TBC1D22A: variants seen among roughly 807,000 people sequenced by gnomAD.
TBC1D22A encodes the protein TBC1 domain family member 22A, also known as putative GTPase activator.
A neutral mutation model predicts 60.2 loss-of-function variants in TBC1D22A; 38 were observed. The observed-to-expected ratio is 0.63, with a 90% CI of 0.49 to 0.83. The LOEUF (loss-of-function observed/expected upper bound fraction) is 0.83, where lower values mean the gene tolerates loss of function less well. Ranked by LOEUF, TBC1D22A falls within the 40% of genes least tolerant of loss-of-function variation. The pLI, the probability that TBC1D22A is intolerant of heterozygous loss-of-function variation, is 0.00. For synonymous variants in TBC1D22A, 302 were observed against 281.7 expected, an observed-to-expected ratio of 1.07 and a Z score of -0.72; for missense variants, 628 against 701.0, an observed-to-expected ratio of 0.90 and a Z score of 1.18.
intron 11 of TBC1D22A, among the ~76,000 whole-genome samples, chr22:47,077,877 G>A (rs1465760882): frequency 6.6e-6 from 1 of 152,186 alleles, no homozygotes; most frequent in Non-Finnish European, 1.5e-5. Context: ...GATTTGAAAA[G>A]GTTAAAAGGA....
intron 5 of TBC1D22A, among the ~76,000 whole-genome samples, chr22:46,887,845 G>C (rs920251060): frequency 6.6e-6 from 1 of 152,168 alleles, no homozygotes; most frequent in Non-Finnish European, 1.5e-5. Context: ...AGAAGTTTCA[G>C]TGGTGTGATC....
At chr22:47,137,717 C>G (rs2066925476) in intron 12 of TBC1D22A, among the ~76,000 whole-genome samples, 1 of 152,202 alleles carries the variant, frequency 6.6e-6, no homozygotes. Context: ...CTGCTTACCA[C>G]TGGGGAAGAA....
intron 11 of TBC1D22A, among the ~76,000 whole-genome samples, chr22:47,056,126 C>T (rs1313986337): frequency 1.3e-5 from 2 of 152,036 alleles, no homozygotes; most frequent in African/African-American, 2.4e-5. Flanking sequence ...GGTCGGGTAA[C>T]GGTGGCCCAA....
rs570843017 is a variant in TBC1D22A at position 46,866,474 on chromosome 22, A to G, written c.638-12179A>G. 2.0e-5 allele frequency among the ~76,000 whole-genome samples: 3 copies of G among 152,358 alleles called. No individual in the cohort carries two copies. The East Asian group carries it at 5.8e-4, about 29-fold the overall frequency. ...CAGCATCACACTGAACATCCACTTAATGATACACCTGTCAAGCGGCAAGCA... is the reference window on the plus strand; with the variant it reads ...CAGCATCACACTGAACATCCACTTAGTGATACACCTGTCAAGCGGCAAGCA... On this transcript the variant is annotated intron_variant, in intron 4 of 12. Transcript: ENST00000337137.
chr22:46,833,407 C>T (rs1191681092), intron 4 of TBC1D22A, among the ~76,000 whole-genome samples: 2 of 152,214 alleles, frequency 1.3e-5, no homozygotes, highest in South Asian at 2.1e-4. Flanking sequence ...CTTTCAAGAT[C>T]GGCAGTTAGA....
At chr22:47,073,893 C>G (rs1050188633) in intron 11 of TBC1D22A, among the ~76,000 whole-genome samples, 4 of 152,128 alleles carry the variant, frequency 2.6e-5, no homozygotes, top group African/African-American at 9.7e-5. Context: ...TTTGGAAGGT[C>G]GAGGAGGGCA....
intron 12 of TBC1D22A, among the ~76,000 whole-genome samples, chr22:47,157,035 G>A (rs1259052487): frequency 6.6e-6 from 1 of 152,212 alleles, no homozygotes; most frequent in East Asian, 1.9e-4. Context: ...CCTATGGAGG[G>A]GCAGTGGCCA....
intron 11 of TBC1D22A, among the ~76,000 whole-genome samples, chr22:47,069,863 C>T (rs113002714): frequency 1.3e-3 from 153 of 117,612 alleles, no homozygotes; most frequent in Middle Eastern, 5.1e-3. Context: ...CGGTTCCAGG[C>T]TGTTCCCTGT....
At chr22:46,855,690 G>A (rs1029895193) in intron 4 of TBC1D22A, among the ~76,000 whole-genome samples, 4 of 152,146 alleles carry the variant, frequency 2.6e-5, no homozygotes, top group African/African-American at 7.2e-5. Flanking sequence ...CCAGGCTCCC[G>A]CAAGATAAAG....
chr22:46,791,256 A>G (rs2084393565), intron 1 of TBC1D22A, among the ~76,000 whole-genome samples: 1 of 152,176 alleles, frequency 6.6e-6, no homozygotes, highest in African/African-American at 2.4e-5. Flanking sequence ...TCCTGAGCTC[A>G]AGCGATCCGC....
At chr22:46,872,020 A>T (rs1374109184) in intron 4 of TBC1D22A, among the ~76,000 whole-genome samples, 1 of 152,190 alleles carries the variant, frequency 6.6e-6, no homozygotes, top group African/African-American at 2.4e-5. Flanking sequence ...GTAATAAGGG[A>T]ATGTTATTTA....
intron 10 of TBC1D22A, among the ~76,000 whole-genome samples, chr22:47,019,147 C>T (rs773224414): frequency 1.6e-4 from 25 of 152,346 alleles, no homozygotes; most frequent in Non-Finnish European, 3.1e-4. Context: ...GAGCACGGAG[C>T]CTGCGTTTGT....
At chr22:46,934,694 C>T (rs1042490506) in intron 8 of TBC1D22A, among the ~76,000 whole-genome samples, 48 of 152,236 alleles carry the variant, frequency 3.2e-4, no homozygotes, top group Admixed American at 3.9e-4. Context: ...TCACCCACTT[C>T]CAGGAAGGGT....
At chr22:46,921,113 G>C (rs904469709) in intron 8 of TBC1D22A, among the ~76,000 whole-genome samples, 6 of 152,050 alleles carry the variant, frequency 3.9e-5, no homozygotes, top group East Asian at 3.9e-4. Flanking sequence ...TAGGTTCAAG[G>C]GTACATGTAC....
intron 10 of TBC1D22A, 48 bp downstream of exon 10, chr22:46,997,757 G>A (rs766641418): frequency 1.3e-6 from 2 of 1,565,580 alleles, no homozygotes; most frequent in Non-Finnish European, 8.8e-7. Context: ...GGGGGAGGTG[G>A]CCCTCAGCCC....
chr22:47,058,248 C>T (rs986747022), intron 11 of TBC1D22A, among the ~76,000 whole-genome samples: 7 of 152,122 alleles, frequency 4.6e-5, no homozygotes, highest in Non-Finnish European at 2.9e-5. Context: ...GAGGGGCTGG[C>T]CTCCTCCCCA....
At chr22:47,075,222 C>CAAAAAAAAAAAAAAAAA (rs386395628) in intron 11 of TBC1D22A, among the ~76,000 whole-genome samples, 1 of 114,156 alleles carries the variant, frequency 8.8e-6, no homozygotes, top group African/African-American at 3.5e-5. Context: ...GATTCCGTCT[C>CAAAAAAAAAAAAAAAAA]AAAAAAAAAA....
chr22:46,786,755 C>T (rs542827314), intron 1 of TBC1D22A, among the ~76,000 whole-genome samples: 9 of 152,154 alleles, frequency 5.9e-5, no homozygotes, highest in Non-Finnish European at 1.2e-4. Context: ...GTAGTGCCGT[C>T]ATAGGTCACT....
intron 10 of TBC1D22A, among the ~76,000 whole-genome samples, chr22:47,020,281 G>C (rs976670372): frequency 5.3e-5 from 8 of 152,150 alleles, no homozygotes; most frequent in African/African-American, 1.9e-4. Flanking sequence ...GTGGTGGGAG[G>C]CTCTGGGATC....
Sources: allele counts gnomAD v4.1 joint callset (sites outside exome capture counted in the v4.1 genomes callset), GRCh38; gene constraint gnomAD v4.1.1; transcripts MANE v1.5; gene names NCBI Gene and HGNC (gene_info 2026-07-23, HGNC 2026-07-21).